Variants in AADAT observed in about 807,000 individuals in gnomAD.
AADAT encodes the protein kynurenine/alpha-aminoadipate aminotransferase, mitochondrial.
A neutral mutation model predicts 56.2 loss-of-function variants in AADAT; 25 were observed. The observed-to-expected ratio is 0.44, with a 90% CI of 0.32 to 0.62. The LOEUF (loss-of-function observed/expected upper bound fraction) is 0.62, where lower values mean the gene tolerates loss of function less well. AADAT is among the 20% of genes least tolerant of loss of function. The pLI is 0.04. For synonymous variants in AADAT, 173 were observed against 164.7 expected, an observed-to-expected ratio of 1.05 and a Z score of -0.39; for missense variants, 387 against 510.5, an observed-to-expected ratio of 0.76 and a Z score of 2.33.
At chr4:170,091,561 G>GC, upstream of AADAT, 1 of 153,730 alleles carries the variant, frequency 6.5e-6, no homozygotes, top group Non-Finnish European at 1.4e-5. Flanking sequence ...GACGAGTGCC[G>GC]CCCCCTGCTC....
intron 3 of AADAT, 73 bp from the exon 4 acceptor site, chr4:170,078,656 T>G: frequency 9.4e-7 from 1 of 1,068,840 alleles, no homozygotes; most frequent in Non-Finnish European, 1.4e-6. Flanking sequence ...GAAGCCCATT[T>G]TTTAGTTTGA....
intron 6 of AADAT, among the ~76,000 whole-genome samples, chr4:170,070,111 T>C (rs13145318): frequency 0.37 from 56,337 of 151,814 alleles, 11,169 homozygotes; most frequent in East Asian, 0.66. Flanking sequence ...CCATCGGGGA[T>C]GCTGCTAACA....
In AADAT at chr4:170,064,712, G is replaced by A. The variant is rs1731361436; in HGVS notation, c.1134+7C>T. ...AGGTTTCCCAGCCCTTCACCTCCCAGTTTTACCCCCATCTTAACGGCCTTT... is the reference window on the plus strand; with the variant it reads ...AGGTTTCCCAGCCCTTCACCTCCCAATTTTACCCCCATCTTAACGGCCTTT... On this transcript the variant is annotated splice_region_variant and intron_variant, in intron 11 of 12. Transcript: ENST00000337664. 1 of 1,584,894 alleles carries A rather than the reference G, an allele frequency of 6.3e-7. No homozygotes were observed. Among genetic ancestry groups the A allele is most frequent in the Non-Finnish European group, 8.6e-7 (1 of 1,162,606 alleles).
rs766688792 is a variant in AADAT, at chr4:170,089,621, C to T, written c.67+3G>A. On this transcript the variant is annotated splice_donor_region_variant and intron_variant, in intron 1 of 12. Coordinates refer to ENST00000337664, the MANE Select transcript of AADAT (RefSeq NM_016228.4). The stretch of plus-strand genomic sequence containing the variant: ...AAGGAGAGATGGTCACCCCGTTTCT[C>T]ACTCATGGTCCGGATGGGAGAAGGG... 6 of 1,614,160 alleles carry T rather than the reference C, an allele frequency of 3.7e-6. No individual in the cohort carries two copies. Among genetic ancestry groups the T allele is most frequent in the South Asian group, 2.2e-5 (2 of 91,080 alleles).
chr4:170,089,809 G>A lies in AADAT; in HGVS notation c.-119C>T, dbSNP rs2111222889. On this transcript the variant is annotated 5_prime_UTR_variant, in exon 1 of 13. Transcript: ENST00000337664. The stretch of plus-strand genomic sequence containing the variant: ...CTCTGGCAACGCCACCGCGAGATGT[G>A]TCCCCCCGCTGCGTCTGGCTTCCCG... 1 of 1,032,694 alleles carries A rather than the reference G, an allele frequency of 9.7e-7. No homozygotes were observed. The highest frequency in any genetic ancestry group is 2.4e-5 in the East Asian group (1 of 41,808). The allele number at this position is 1,032,694 out of a possible 1,614,324, so 64.0% of individuals were successfully genotyped here. A position where few individuals can be genotyped will look rare whatever the true frequency, so the allele number is the denominator to read the frequency against.
At chr4:170,070,707 T>G in intron 5 of AADAT, 55 bp from the exon 6 acceptor site, 1 of 1,211,042 alleles carries the variant, frequency 8.3e-7, no homozygotes. Flanking sequence ...TCTTAAAAGT[T>G]ATCTAAAATT....
chr4:170,067,191 A>G, intron 9 of AADAT, 136 bp downstream of exon 9: 4 of 633,326 alleles, frequency 6.3e-6, no homozygotes, highest in Non-Finnish European at 1.1e-5. Context: ...CTTTTGACTT[A>G]TAATAGACCG....
intron 2 of AADAT, among the ~76,000 whole-genome samples, chr4:170,087,614 G>A (rs1027581745): frequency 2.0e-5 from 3 of 152,084 alleles, no homozygotes; most frequent in Admixed American, 6.6e-5. Flanking sequence ...GACTCAATAA[G>A]TTGTTTGTAT....
intron 9 of AADAT, 25 bp from the exon 10 acceptor site, chr4:170,066,503 G>C: frequency 6.5e-7 from 1 of 1,548,698 alleles, no homozygotes; most frequent in South Asian, 1.1e-5. Context: ...CAATGAAATG[G>C]ATGTGCTCAG....
intron 4 of AADAT, among the ~76,000 whole-genome samples, chr4:170,074,842 T>C (rs1178190945): frequency 3.9e-5 from 6 of 151,976 alleles, no homozygotes. Context: ...TACAAATTTG[T>C]GGAATCTCAT....
At chr4:170,090,780 T>C (rs2111225443), upstream of AADAT, among the ~76,000 whole-genome samples, 1 of 152,294 alleles carries the variant, frequency 6.6e-6, no homozygotes, top group South Asian at 2.1e-4. Flanking sequence ...ATGTGAGCAC[T>C]TAATGAGGGA....
chr4:170,063,454 T>C (rs1561010116), intron 11 of AADAT, among the ~76,000 whole-genome samples: 1 of 152,258 alleles, frequency 6.6e-6, no homozygotes, highest in Non-Finnish European at 1.5e-5. Flanking sequence ...TTGAGGATAA[T>C]GGCATTGACA....
At chr4:170,090,461 T>A (rs1170272344), upstream of AADAT, 3 of 152,202 alleles carry the variant, frequency 2.0e-5, no homozygotes, top group African/African-American at 4.8e-5. Context: ...CTGGGAAGCA[T>A]CCCGGCGACC....
At chr4:170,062,919 T>G (rs1243601118) in intron 11 of AADAT, among the ~76,000 whole-genome samples, 1 of 152,212 alleles carries the variant, frequency 6.6e-6, no homozygotes, top group African/African-American at 2.4e-5. Context: ...GGTCACATCT[T>G]AGAATTATAT....
chr4:170,066,358 C>T (rs1343259593), intron 10 of AADAT, 56 bp downstream of exon 10: 8 of 1,419,276 alleles, frequency 5.6e-6, no homozygotes, highest in Non-Finnish European at 7.0e-6. Flanking sequence ...AGTGTTTATC[C>T]CCTACTTTTA....
Position 170,078,595 on chromosome 4 carries a change from A to C in AADAT, c.370-12T>G. The C allele has an allele frequency of 6.3e-7, 1 of 1,587,520 alleles. No homozygotes were observed. Among genetic ancestry groups the C allele is most frequent in the Non-Finnish European group, 8.6e-7 (1 of 1,161,732 alleles). ...ATCATTTCAAACACCTAACAAAAGA[A>C]GCATAGGTTAGCTTGTTAGTCAGCA... On this transcript the variant is annotated splice_polypyrimidine_tract_variant and intron_variant, in intron 3 of 12. Coordinates refer to ENST00000337664, the MANE Select transcript of AADAT (RefSeq NM_016228.4).
chr4:170,086,474 G>T (rs914651968), intron 3 of AADAT, among the ~76,000 whole-genome samples: 1 of 151,944 alleles, frequency 6.6e-6, no homozygotes. Context: ...ACACCCAAGA[G>T]GGGGACAAGA....
At chr4:170,071,784 G>C (rs750620184) in intron 5 of AADAT, among the ~76,000 whole-genome samples, 1 of 152,122 alleles carries the variant, frequency 6.6e-6, no homozygotes, top group Admixed American at 6.6e-5. Flanking sequence ...TGACAACAGA[G>C]AAAAATGGAT....
intron 1 of AADAT, chr4:170,089,418 GA>G: frequency 1.6e-6 from 1 of 622,942 alleles, no homozygotes; most frequent in Non-Finnish European, 2.8e-6. Flanking sequence ...TGCTCCAGCA[GA>G]AATACCCGCC....
Sources: allele counts gnomAD v4.1 joint callset (sites outside exome capture counted in the v4.1 genomes callset), GRCh38; gene constraint gnomAD v4.1.1; transcripts MANE v1.5; gene names NCBI Gene and HGNC (gene_info 2026-07-23, HGNC 2026-07-21).